FAM149A: variants seen among roughly 807,000 people sequenced by gnomAD.
FAM149A encodes the protein protein FAM149A.
A neutral mutation model predicts 78.2 loss-of-function variants in FAM149A; 71 were observed. The ratio of observed to expected loss-of-function variants is 0.91; its 90% CI spans 0.75 to 1.11. The LOEUF (loss-of-function observed/expected upper bound fraction) is 1.11, where lower values mean the gene tolerates loss of function less well. Among genes scored for constraint, FAM149A ranks in the 50% least tolerant of loss-of-function variants. The pLI is 0.00. For synonymous variants in FAM149A, 446 were observed against 410.5 expected (o/e 1.09, Z -1.04); for missense variants, 1,036 against 971.0 (o/e 1.07, Z -0.89).
At chr4:186,137,589 AT>A (rs924638610) in intron 1 of FAM149A, among the ~76,000 whole-genome samples, 113 of 146,670 alleles carry the variant, frequency 7.7e-4, no homozygotes, top group Middle Eastern at 7.1e-3. Context: ...CTGGGCAAGG[AT>A]TTTTTTTTTT....
chr4:186,125,414 C>T (rs2099317886), intron 1 of FAM149A: 2 of 840,976 alleles, frequency 2.4e-6, no homozygotes, highest in Admixed American at 6.2e-5. Flanking sequence ...CTAGGCAGCC[C>T]CACAAACACA....
intron 1 of FAM149A, among the ~76,000 whole-genome samples, chr4:186,143,500 G>C (rs1441232674): frequency 1.3e-5 from 2 of 152,066 alleles, no homozygotes; most frequent in African/African-American, 4.8e-5. Flanking sequence ...TTTTATAAAA[G>C]TGGGGAGGAT....
chr4:186,158,722 A>AC, intron 8 of FAM149A: 1 of 1,017,970 alleles, frequency 9.8e-7, no homozygotes, highest in South Asian at 3.1e-5. Flanking sequence ...AGGTGCAGGT[A>AC]CCCCCTGTGC....
At chr4:186,109,975 C>A in intron 1 of FAM149A, 2 of 985,424 alleles carry the variant, frequency 2.0e-6, no homozygotes, top group South Asian at 9.4e-5. Context: ...TGGGATCAAA[C>A]TTTTAATCTG....
In FAM149A at chr4:186,164,505, C is replaced by A; in HGVS notation, c.1890-839C>A. On this transcript the variant is annotated intron_variant, in intron 10 of 13. Coordinates refer to ENST00000389354, the MANE Select transcript of FAM149A (RefSeq NM_001367768.3). The surrounding 1 kb of genome is among the most constrained non-coding windows in gnomAD (Gnocchi z 4.0). ...AGACTTTTTCCAGATGCAGTCATAA[C>A]CCCCCTTTCAGCTTTTTAATTGGTG... 5 of 984,226 alleles carry A rather than the reference C, an allele frequency of 5.1e-6. No homozygotes were observed. The highest frequency in any genetic ancestry group is 6.0e-6 in the Non-Finnish European group (5 of 829,018). The allele number at this position is 984,226 out of a possible 1,614,324, so 61.0% of individuals were successfully genotyped here. A position where few individuals can be genotyped will look rare whatever the true frequency, so the allele number is the denominator to read the frequency against.
intron 1 of FAM149A, among the ~76,000 whole-genome samples, chr4:186,124,459 T>C (rs563027921): frequency 1.4e-5 from 2 of 139,946 alleles, no homozygotes; most frequent in South Asian, 5.2e-4. Flanking sequence ...TTCCCCTTCC[T>C]GTGTCCATGT....
chr4:186,154,548 C>T lies in FAM149A; in HGVS notation c.1139C>T (p.Ala380Val), dbSNP rs1464808985. ...CCAGGCCCTGATGACACAGGGGTTG[C>T]TGACCTAACGGCACGTTCATCCCTG... The change falls in exon 6 of 14, where the codon GCT becomes GTT. Residue 380 changes from alanine (A) to valine (V), a missense_variant. Coordinates refer to ENST00000389354, the MANE Select transcript of FAM149A (RefSeq NM_001367768.3). 6.2e-7 allele frequency: 1 copy of T among 1,614,088 alleles called. No homozygotes were observed. The highest frequency in any genetic ancestry group is 2.2e-5 in the East Asian group (1 of 44,872).
intron 1 of FAM149A, chr4:186,127,146 A>G (rs1475241178): frequency 4.1e-6 from 4 of 985,160 alleles, no homozygotes; most frequent in Non-Finnish European, 4.8e-6. Flanking sequence ...GCACGGGCCA[A>G]CAGGAGCAAC....
At chr4:186,151,072 G>A in intron 3 of FAM149A, 1 of 985,278 alleles carries the variant, frequency 1.0e-6, no homozygotes, top group Non-Finnish European at 1.2e-6. Flanking sequence ...GTCCGCAGCT[G>A]TGCAGCTGTG....
rs183039524 is a variant in FAM149A at position 186,158,568 on chromosome 4, C to T, written c.1575+849C>T. The T allele has an allele frequency of 1.1e-5, 8 of 720,756 alleles. No individual in the cohort carries two copies. The East Asian group carries it at 1.6e-3, about 142-fold the overall frequency. The allele number at this position is 720,756 out of a possible 1,614,324, so 44.6% of individuals were successfully genotyped here. On this transcript the variant is annotated intron_variant, in intron 8 of 13. Transcript: ENST00000389354. ...TGGCCAAGGGGGAGTTTCAGGGGAA[C>T]AGATTGCTCCAGTGCCTGCTGAGCA...
In FAM149A at chr4:186,144,759, T is replaced by G; in HGVS notation, c.567-4414T>G. ...CCGGGGCCGGGGCCCGGAGCGGGGA[T>G]GGGCGGGCGCAGCCGGGATTAGCTG... On this transcript the variant is annotated intron_variant, in intron 1 of 13. Coordinates refer to ENST00000389354, the MANE Select transcript of FAM149A (RefSeq NM_001367768.3). This position sits in a 1 kb window ranked among gnomAD's most constrained non-coding sequence, Gnocchi z 4.2. The G allele has an allele frequency of 7.6e-6, 7 of 924,498 alleles. No individual in the cohort carries two copies. Among genetic ancestry groups the G allele is most frequent in the African/African-American group, 1.8e-5 (1 of 54,356 alleles). The allele number at this position is 924,498 out of a possible 1,614,324, so 57.3% of individuals were successfully genotyped here. A position where few individuals can be genotyped will look rare whatever the true frequency, so the allele number is the denominator to read the frequency against.
At chr4:186,106,592 C>T (rs2099308842) in intron 1 of FAM149A, among the ~76,000 whole-genome samples, 1 of 152,098 alleles carries the variant, frequency 6.6e-6, no homozygotes, top group African/African-American at 2.4e-5. Context: ...TCATACTGAT[C>T]CTGACTCACT....
Position 186,136,967 on chromosome 4 carries a change from TCTCTCTC to T in FAM149A, c.567-12205_567-12199del, listed in dbSNP as rs2099323255. On this transcript the variant is annotated intron_variant, in intron 1 of 13. Transcript: ENST00000389354. Reference sequence around the variant, plus strand: ...CTCTCTCTCTCTCTCTCTCTCTTTCTCTCTCTCTTTCTCTCTCTCTCTCTCTCTCTCT... The same window carrying T: ...CTCTCTCTCTCTCTCTCTCTCTTTCTTTTCTCTCTCTCTCTCTCTCTCTCT... Among the ~76,000 whole-genome samples, 3 of 76,324 alleles carry T rather than the reference TCTCTCTC, an allele frequency of 3.9e-5. No homozygotes were observed. In the South Asian group the frequency reaches 1.7e-3, roughly 44 times the overall value. 50.1% of individuals were successfully genotyped at this position (76,324 alleles called of 152,430 possible).
chr4:186,150,359 T>TTTG lies in FAM149A; in HGVS notation c.789+673_789+675dup, dbSNP rs564673932. 3.1e-3 allele frequency among the ~76,000 whole-genome samples: 465 copies of TTTG among 147,896 alleles called. 1 individual carries two copies. Among genetic ancestry groups the TTTG allele is most frequent in the Non-Finnish European group, 4.2e-3 (285 of 67,656 alleles). On this transcript the variant is annotated intron_variant, in intron 3 of 13. Transcript: ENST00000389354. The stretch of plus-strand genomic sequence containing the variant: ...GTTTTACCTCGTTTATGCTGGGTGT[T>TTTG]TTGTTGTTGTTGTTGTTGTTTTTTG...
At chr4:186,160,312 C>T (rs1315606905) in intron 8 of FAM149A, among the ~76,000 whole-genome samples, 1 of 147,414 alleles carries the variant, frequency 6.8e-6, no homozygotes, top group Non-Finnish European at 1.5e-5. Flanking sequence ...CACACAAACA[C>T]ACCACACACC....
chr4:186,109,099 G>A (rs1018549824), intron 1 of FAM149A: 10 of 739,394 alleles, frequency 1.4e-5, no homozygotes, highest in African/African-American at 5.7e-5. Flanking sequence ...TGCCCGCCTC[G>A]GCCTCCCGAA....
At chr4:186,121,380 T>C (rs2099316023) in intron 1 of FAM149A, among the ~76,000 whole-genome samples, 1 of 152,212 alleles carries the variant, frequency 6.6e-6, no homozygotes, top group South Asian at 2.1e-4. Flanking sequence ...GTGAGTATAT[T>C]TGTTTAACAT....
chr4:186,110,656 G>C (rs1016448848), intron 1 of FAM149A, among the ~76,000 whole-genome samples: 1 of 129,062 alleles, frequency 7.7e-6, no homozygotes, highest in Non-Finnish European at 1.6e-5. Flanking sequence ...TTGGTTTTTT[G>C]TTCTTGCGAT....
At chr4:186,169,603 C>T (rs1402958170) in intron 13 of FAM149A, 2 of 985,428 alleles carry the variant, frequency 2.0e-6, no homozygotes, top group Non-Finnish European at 2.4e-6. Flanking sequence ...GGCAGCACAC[C>T]ACGATCTAAT....
Sources: allele counts gnomAD v4.1 joint callset (sites outside exome capture counted in the v4.1 genomes callset), GRCh38; gene constraint gnomAD v4.1.1; non-coding constraint Gnocchi (gnomAD v3.1); transcripts MANE v1.5; gene names NCBI Gene and HGNC (gene_info 2026-07-23, HGNC 2026-07-21).